Variants in KANK1 observed in about 807,000 individuals in gnomAD.
KANK1 encodes the protein KN motif and ankyrin repeat domain-containing protein 1.
KANK1 carries 109 observed loss-of-function variants against 106.2 expected under a neutral mutation model. That is an observed-to-expected ratio of 1.03 (90% CI 0.88 to 1.20). The LOEUF is 1.20. Among genes scored for constraint, KANK1 ranks in the 50% most tolerant of loss-of-function variants. The probability of loss-of-function intolerance (pLI) is 0.00; values close to 1 mark genes in which losing one functional copy is unlikely to be tolerated. For synonymous variants in KANK1, 873 were observed against 652.2 expected (o/e 1.34, Z -5.16); for missense variants, 2,399 against 1,710.7 (o/e 1.40, Z -7.10).
At chr9:617,746 G>C (rs1020496762) in intron 1 of KANK1, among the ~76,000 whole-genome samples, 2 of 152,186 alleles carry the variant, frequency 1.3e-5, no homozygotes, top group East Asian at 3.9e-4. Flanking sequence ...CGATCAGCAG[G>C]CCAGTTTGTG....
rs377249254 is a variant in KANK1, at chr9:675,315, TGG to T, written c.-83-1573_-83-1572del. Among the ~76,000 whole-genome samples, 140 of 152,324 alleles carry T rather than the reference TGG, an allele frequency of 9.2e-4. 2 individuals carry two copies. In the South Asian group the frequency reaches 0.026, roughly 29 times the overall value. ...GGCATTCTGTTGTTAAGAGGTCATG[TGG>T]GTTTCTGAATTGACACTTTAATTCT... On this transcript the variant is annotated intron_variant, in intron 1 of 11. Transcript: ENST00000382297.
chr9:652,820 T>G (rs1841213236), intron 1 of KANK1, among the ~76,000 whole-genome samples: 1 of 152,184 alleles, frequency 6.6e-6, no homozygotes, highest in South Asian at 2.1e-4. Context: ...GTCATGCATT[T>G]CTTTATTGTT....
upstream of KANK1, among the ~76,000 whole-genome samples, chr9:500,809 A>T (rs2058537819): frequency 6.6e-6 from 1 of 152,246 alleles, no homozygotes; most frequent in Non-Finnish European, 1.5e-5. Flanking sequence ...ACGGAGCTTC[A>T]GTACCCTGGA....
chr9:505,670 G>C (rs2058720693), intron 1 of KANK1, among the ~76,000 whole-genome samples: 1 of 152,246 alleles, frequency 6.6e-6, no homozygotes, highest in South Asian at 2.1e-4. Flanking sequence ...GCGAGTTGGC[G>C]TTAACAATTT....
At chr9:512,454 A>T (rs1050193013) in intron 1 of KANK1, among the ~76,000 whole-genome samples, 1 of 151,994 alleles carries the variant, frequency 6.6e-6, no homozygotes, top group Admixed American at 6.6e-5. Context: ...AGTTGTTTGC[A>T]TGAGGCCCAC....
At chr9:556,748 CTTTG>C (rs2061611894) in intron 1 of KANK1, among the ~76,000 whole-genome samples, 1 of 152,106 alleles carries the variant, frequency 6.6e-6, no homozygotes, top group African/African-American at 2.4e-5. Flanking sequence ...TTTTAGTTTT[CTTTG>C]TTTATTTTTC....
intron 1 of KANK1, among the ~76,000 whole-genome samples, chr9:509,225 T>G (rs532516636): frequency 5.9e-4 from 90 of 152,168 alleles, no homozygotes; most frequent in African/African-American, 2.1e-3. Context: ...AGCCTCCCGA[T>G]TAGCTGGAAC....
chr9:531,507 G>A (rs1165922730), intron 1 of KANK1, among the ~76,000 whole-genome samples: 1 of 152,178 alleles, frequency 6.6e-6, no homozygotes, highest in South Asian at 2.1e-4. Flanking sequence ...GCTTGAGGAA[G>A]AGAAAAAGCA....
intron 1 of KANK1, among the ~76,000 whole-genome samples, chr9:538,716 CTGAT>C (rs766225588): frequency 2.0e-5 from 3 of 152,148 alleles, no homozygotes; most frequent in Non-Finnish European, 4.4e-5. Flanking sequence ...AATTCTGTCT[CTGAT>C]TGGATCAGAG....
intron 1 of KANK1, among the ~76,000 whole-genome samples, chr9:595,985 A>T (rs184236596): frequency 6.6e-6 from 1 of 151,988 alleles, no homozygotes; most frequent in Non-Finnish European, 1.5e-5. Context: ...ATTTGCATAT[A>T]CATAATGAAA....
intron 1 of KANK1, among the ~76,000 whole-genome samples, chr9:601,388 T>C (rs1827706921): frequency 6.6e-6 from 1 of 151,914 alleles, no homozygotes; most frequent in East Asian, 1.9e-4. Flanking sequence ...TCTGACTCTT[T>C]AAACTCCCAC....
At chr9:635,886 A>T (rs1386899398) in intron 1 of KANK1, among the ~76,000 whole-genome samples, 1 of 151,574 alleles carries the variant, frequency 6.6e-6, no homozygotes, top group African/African-American at 2.4e-5. Flanking sequence ...TATTGGTCAG[A>T]CTGGTCTTGA....
At chr9:699,196 G>A (rs559603397) in intron 2 of KANK1, among the ~76,000 whole-genome samples, 3 of 152,088 alleles carry the variant, frequency 2.0e-5, no homozygotes, top group Non-Finnish European at 4.4e-5. Context: ...CCAACATAAC[G>A]CCTGCATTGT....
intron 3 of KANK1, among the ~76,000 whole-genome samples, chr9:485,566 G>T (rs1199402562): frequency 1.3e-5 from 2 of 152,070 alleles, no homozygotes; most frequent in Non-Finnish European, 2.9e-5. Context: ...TGAGAATAAA[G>T]CAAAAACTGC....
chr9:666,097 CT>C (rs138480153), intron 1 of KANK1, among the ~76,000 whole-genome samples: 8,067 of 151,914 alleles, frequency 0.053, 229 homozygotes, highest in African/African-American at 0.066. Flanking sequence ...CAGAGGATCG[CT>C]TGAGACCAAG....
At chr9:630,462 A>T (rs1363451207) in intron 1 of KANK1, among the ~76,000 whole-genome samples, 1 of 149,966 alleles carries the variant, frequency 6.7e-6, no homozygotes, top group East Asian at 2.0e-4. Flanking sequence ...GAGGCGGGAG[A>T]ATGGCGTAAA....
chr9:716,644 G>C (rs1036016377), intron 3 of KANK1, among the ~76,000 whole-genome samples: 2 of 152,256 alleles, frequency 1.3e-5, no homozygotes, highest in Non-Finnish European at 2.9e-5. Context: ...TTCTCCTAGA[G>C]TTGAAGATTT....
chr9:490,406 A>G (rs1223137916), intron 3 of KANK1, among the ~76,000 whole-genome samples: 1 of 152,204 alleles, frequency 6.6e-6, no homozygotes, highest in Non-Finnish European at 1.5e-5. Context: ...GCTAGCTGGG[A>G]GCTGAGGTGG....
intron 1 of KANK1, among the ~76,000 whole-genome samples, chr9:663,838 G>A (rs2361109): frequency 0.89 from 135,878 of 152,194 alleles, 60,791 homozygotes; most frequent in East Asian, 0.97. Context: ...GAAAGATACT[G>A]ATGTTTACTT....
Sources: allele counts gnomAD v4.1 joint callset (sites outside exome capture counted in the v4.1 genomes callset), GRCh38; gene constraint gnomAD v4.1.1; transcripts MANE v1.5; gene names NCBI Gene and HGNC (gene_info 2026-07-23, HGNC 2026-07-21).